Variants in CTPS1 observed in about 807,000 individuals in gnomAD.
CTPS1 encodes CTP synthase 1, also known as CTP synthetase 1.
CTPS1 carries 25 observed loss-of-function variants against 80.5 expected under a neutral mutation model. The ratio of observed to expected loss-of-function variants is 0.31; its 90% confidence interval spans 0.23 to 0.43. The LOEUF (loss-of-function observed/expected upper bound fraction) is 0.43. CTPS1 is among the 20% of genes least tolerant of loss of function. The pLI is 1.00. For synonymous variants in CTPS1, 267 were observed against 252.5 expected, an observed-to-expected ratio of 1.06 and a Z score of -0.54; for missense variants, 442 against 725.7, an observed-to-expected ratio of 0.61 and a Z score of 4.49.
chr1:40,982,445 A>G (rs542612246), intron 1 of CTPS1, among the ~76,000 whole-genome samples: 23 of 151,540 alleles, frequency 1.5e-4, no homozygotes, highest in Admixed American at 3.9e-4. Flanking sequence ...GCTGGAGTGC[A>G]GTGGCATGAT....
intron 5 of CTPS1, 56 bp downstream of exon 5, chr1:40,988,766 G>A: frequency 6.0e-6 from 7 of 1,170,636 alleles, no homozygotes; most frequent in South Asian, 5.0e-5. Context: ...GGGAGGAAAG[G>A]TAAACCGGAA....
At chr1:40,985,748 C>T (rs1018220454) in intron 3 of CTPS1, among the ~76,000 whole-genome samples, 2 of 152,114 alleles carry the variant, frequency 1.3e-5, no homozygotes, top group African/African-American at 4.8e-5. Flanking sequence ...GCTGCCCTGG[C>T]AAGATTCTGG....
At chr1:40,984,675 C>G in intron 2 of CTPS1, 146 bp from the exon 3 acceptor site, 1 of 571,688 alleles carries the variant, frequency 1.7e-6, no homozygotes, top group Non-Finnish European at 2.9e-6. Flanking sequence ...TTTTGTGTGT[C>G]ATATTTAGTC....
Position 40,983,451 on chromosome 1 carries a change from A to G in CTPS1, c.161A>G (p.Glu54Gly). ...GATGCAGGAACATTCTCTCCTTATG[A>G]GCATGGTAAGCACAGTGGATTTCTT... ...NIDAGTFSPY[E>G]HGEVFVLDDG... Residue 54 changes from glutamate (E) to glycine (G), a missense_variant, in exon 2 of 19, where the codon GAG becomes GGG. Around this residue, in one of 4 missense-constraint regions of CTPS1, gnomAD observed 25 missense variants for 72.7 expected, o/e 0.34. Coordinates refer to ENST00000650070, the MANE Select transcript of CTPS1 (RefSeq NM_001905.4). 6.2e-7 allele frequency: 1 copy of G among 1,610,038 alleles called. No individual in the cohort carries two copies.
chr1:40,980,397 C>T (rs7543690), intron 1 of CTPS1: 29,477 of 152,344 alleles, frequency 0.19, 3,040 homozygotes, highest in Middle Eastern at 0.29. Flanking sequence ...GGCCTTTGGG[C>T]CTCACGGCTT....
At chr1:40,997,655 A>C in intron 9 of CTPS1, 129 bp downstream of exon 9, 7 of 1,172,992 alleles carry the variant, frequency 6.0e-6, no homozygotes, top group Non-Finnish European at 8.1e-6. Context: ...CTTTTTAAGG[A>C]TTAAAAAGAT....
At chr1:40,999,665 A>T (rs964659126) in intron 9 of CTPS1, among the ~76,000 whole-genome samples, 1 of 152,246 alleles carries the variant, frequency 6.6e-6, no homozygotes, top group Admixed American at 6.5e-5. Context: ...GAGACGTGTG[A>T]TCCAATAAGT....
In CTPS1 at chr1:40,991,840, G is replaced by A; in HGVS notation, c.715G>A (p.Glu239Lys). The change falls in exon 7 of 19, where the codon GAA becomes AAA. Residue 239 changes from glutamate to lysine, a missense_variant. Glu to Lys is a moderately conservative substitution (Grantham distance 56). Coordinates refer to ENST00000650070, the MANE Select transcript of CTPS1 (RefSeq NM_001905.4). Reference protein sequence around the residue: ...KISMFCHVEPEQVICVHDVSS... With the variant: ...KISMFCHVEPKQVICVHDVSS... ...ATCAATGTTCTGCCATGTTGAGCCT[G>A]AACAAGTGAGTAGAAATTCCCATCT... The A allele has an allele frequency of 2.5e-6, 4 of 1,612,788 alleles. No individual in the cohort carries two copies. The highest frequency in any genetic ancestry group is 1.1e-5 in the South Asian group (1 of 91,048).
chr1:40,992,549 G>T (rs1026667085), intron 7 of CTPS1, among the ~76,000 whole-genome samples: 1 of 152,146 alleles, frequency 6.6e-6, no homozygotes, highest in Non-Finnish European at 1.5e-5. Flanking sequence ...GTATCTAAGT[G>T]TGGTGCTTAG....
At chr1:40,987,587 T>C in intron 4 of CTPS1, 115 bp downstream of exon 4, 1 of 733,150 alleles carries the variant, frequency 1.4e-6, no homozygotes, top group Non-Finnish European at 2.4e-6. Flanking sequence ...TGGTGCAGTA[T>C]GTTGCAATGT....
rs995364239 is a variant in CTPS1, at chr1:41,000,927, A to C, written c.1006-102A>C. On this transcript the variant is annotated intron_variant, in intron 9 of 18. Transcript: ENST00000650070. ...AGATGATCACTTTAAAGCCAGAATC[A>C]AGAAAGACAACTTTGATAAAATGAT... 1.5e-5 allele frequency: 10 copies of C among 677,918 alleles called. No homozygotes were observed. In the Admixed American group the frequency reaches 3.7e-4, roughly 25 times the overall value. 42.0% of individuals were successfully genotyped at this position (677,918 alleles called of 1,614,324 possible). A position where few individuals can be genotyped will look rare whatever the true frequency, so the allele number is the denominator to read the frequency against.
chr1:40,982,071 C>A, intron 1 of CTPS1: 2 of 1,129,880 alleles, frequency 1.8e-6, no homozygotes, highest in Non-Finnish European at 2.4e-6. Flanking sequence ...ATGGACGATC[C>A]TGGACCTCTG....
intron 1 of CTPS1, chr1:40,981,960 G>A (rs1343113629): frequency 3.1e-6 from 4 of 1,286,588 alleles, no homozygotes; most frequent in Non-Finnish European, 4.1e-6. Context: ...CACATGGAAC[G>A]TTCCTGAGGA....
intron 9 of CTPS1, among the ~76,000 whole-genome samples, chr1:40,999,948 G>A (rs767117433): frequency 3.3e-5 from 5 of 152,104 alleles, no homozygotes; most frequent in Admixed American, 6.6e-5. Flanking sequence ...CCAGTAGTTC[G>A]AGAGCAGCCT....
chr1:40,992,272 C>CAGA (rs2148399025), intron 7 of CTPS1, among the ~76,000 whole-genome samples: 1 of 152,322 alleles, frequency 6.6e-6, no homozygotes, highest in South Asian at 2.1e-4. Context: ...CCTTGGCCTT[C>CAGA]AGGGTTAACT....
rs375666812 is a variant in CTPS1, at chr1:41,009,171, C to T, written c.1547-274C>T. On this transcript the variant is annotated intron_variant, in intron 16 of 18. Coordinates refer to ENST00000650070, the MANE Select transcript of CTPS1 (RefSeq NM_001905.4). Reference sequence around the variant, plus strand: ...AAGCCACTTCAGCCCTCTCCTGAACCGCAAGACTCAGTCTACAGAAATCCT... The same window carrying T: ...AAGCCACTTCAGCCCTCTCCTGAACTGCAAGACTCAGTCTACAGAAATCCT... Among the ~76,000 whole-genome samples the T allele has an allele frequency of 1.5e-4, 23 of 152,256 alleles. No homozygotes were observed. The South Asian group carries it at 4.2e-3, about 28-fold the overall frequency.
chr1:41,003,218 A>G (rs1405849660), intron 12 of CTPS1, 42 bp downstream of exon 12: 4 of 1,609,516 alleles, frequency 2.5e-6, no homozygotes, highest in East Asian at 4.5e-5. Context: ...CCGCTTGTGT[A>G]TTTCTGGAGG....
intron 16 of CTPS1, 136 bp from the exon 17 acceptor site, chr1:41,009,309 A>T (rs1472577979): frequency 1.1e-6 from 1 of 919,096 alleles, no homozygotes; most frequent in Non-Finnish European, 1.6e-6. Context: ...GGTTCCCTTT[A>T]TCTAGATTCA....
At chr1:40,982,350 T>A (rs969149915) in intron 1 of CTPS1, among the ~76,000 whole-genome samples, 16 of 152,250 alleles carry the variant, frequency 1.1e-4, no homozygotes, top group Admixed American at 1.3e-4. Flanking sequence ...TGGGAGAGAT[T>A]TCTGACAAGG....
Sources: gnomAD v4.1 joint callset for allele counts (sites outside exome capture counted in the v4.1 genomes callset) on GRCh38, gnomAD v4.1.1 for gene constraint, gnomAD v4.1.1 regional missense constraint, MANE v1.5 for transcripts, NCBI Gene and HGNC (gene_info 2026-07-23, HGNC 2026-07-21) for gene names.